Variants in CNTLN observed in about 807,000 individuals in gnomAD.
The protein encoded by CNTLN is centlein.
Under a neutral mutation model 180.0 loss-of-function variants are expected in CNTLN, and 212 were observed. That is an observed-to-expected ratio of 1.18 (90% confidence interval 1.05 to 1.32). The LOEUF (loss-of-function observed/expected upper bound fraction) is 1.32. CNTLN is among the 40% of genes most tolerant of loss of function. The pLI, the probability that CNTLN is intolerant of heterozygous loss-of-function variation, is 0.00. For synonymous variants in CNTLN, 722 were observed against 563.1 expected, an observed-to-expected ratio of 1.28 and a Z score of -3.99; for missense variants, 2,095 against 1,610.9, an observed-to-expected ratio of 1.30 and a Z score of -5.14.
chr9:17,427,146 T>G (rs1389306518), intron 18 of CNTLN, among the ~76,000 whole-genome samples: 1 of 152,122 alleles, frequency 6.6e-6, no homozygotes, highest in Non-Finnish European at 1.5e-5. Context: ...CAGCTCCTGC[T>G]CCCACAATTC....
chr9:17,509,464 G>T, the CNTLN span, among the ~76,000 whole-genome samples: 1 of 152,210 alleles, frequency 6.6e-6, no homozygotes, highest in Non-Finnish European at 1.5e-5. Context: ...CATTGTTTGT[G>T]ATCAAGGAAG....
At chr9:17,479,567 G>A (rs1331356015) in intron 23 of CNTLN, among the ~76,000 whole-genome samples, 2 of 152,076 alleles carry the variant, frequency 1.3e-5, no homozygotes, top group Non-Finnish European at 2.9e-5. Context: ...TAATTAATAG[G>A]CGTAAAGTTT....
Position 17,466,119 on chromosome 9 carries a change from G to T in CNTLN, c.3669+1G>T. On this transcript the variant is annotated splice_donor_variant, in intron 22 of 25. Transcript: ENST00000380647. LOFTEE classifies it high-confidence loss of function. ...ATCTAAAGAGGAGTTAGAAAAAAAG[G>T]TATGCTTTTAAAAAGGGCATTTTAG... The T allele has an allele frequency of 2.5e-6, 4 of 1,598,294 alleles. No homozygotes were observed. The highest frequency in any genetic ancestry group is 1.3e-5 in the African/African-American group (1 of 74,146).
At chr9:17,246,891 T>A (rs913071776) in intron 5 of CNTLN, among the ~76,000 whole-genome samples, 1 of 152,100 alleles carries the variant, frequency 6.6e-6, no homozygotes, top group Non-Finnish European at 1.5e-5. Flanking sequence ...AGGAGTGTTT[T>A]TTTTTTCTGG....
At chr9:17,526,912 C>A in the CNTLN span, among the ~76,000 whole-genome samples, 1 of 152,004 alleles carries the variant, frequency 6.6e-6, no homozygotes, top group Non-Finnish European at 1.5e-5. Flanking sequence ...CGGAGTCTCG[C>A]TGTCGCCCAG....
At chr9:17,473,154 C>T (rs1410056188) in intron 23 of CNTLN, among the ~76,000 whole-genome samples, 1 of 152,126 alleles carries the variant, frequency 6.6e-6, no homozygotes, top group Non-Finnish European at 1.5e-5. Flanking sequence ...TTTATTTAAA[C>T]AGATAACCAA....
At chr9:17,451,790 A>G (rs1830792428) in intron 18 of CNTLN, among the ~76,000 whole-genome samples, 1 of 152,166 alleles carries the variant, frequency 6.6e-6, no homozygotes, top group Non-Finnish European at 1.5e-5. Context: ...TTCAGACTCC[A>G]CTATCCCAAC....
chr9:17,214,457 AC>A (rs1823579123), intron 2 of CNTLN, among the ~76,000 whole-genome samples: 1 of 152,152 alleles, frequency 6.6e-6, no homozygotes, highest in Non-Finnish European at 1.5e-5. Context: ...TTTGTGGGTA[AC>A]CCGACCTTTC....
At chr9:17,214,302 C>G (rs1389803174) in intron 2 of CNTLN, among the ~76,000 whole-genome samples, 2 of 152,104 alleles carry the variant, frequency 1.3e-5, no homozygotes, top group Non-Finnish European at 2.9e-5. Context: ...TTTATTTCTC[C>G]TTCACTTATG....
chr9:17,464,657 A>T, intron 21 of CNTLN, 34 bp downstream of exon 21: 2 of 1,291,424 alleles, frequency 1.5e-6, no homozygotes, highest in Non-Finnish European at 2.1e-6. Context: ...CACTAAAAAT[A>T]TCACTTCCTG....
chr9:17,342,389 G>T lies in CNTLN; in HGVS notation c.1831G>T (p.Val611Leu), dbSNP rs751035643. 3.1e-6 allele frequency: 5 copies of T among 1,611,612 alleles called. No homozygotes were observed. The South Asian group carries it at 4.4e-5, about 14-fold the overall frequency. Residue 611 changes from valine to leucine, a missense_variant, in exon 12 of 26, where the codon GTG (valine) becomes TTG (leucine). Coordinates refer to ENST00000380647, the MANE Select transcript of CNTLN (RefSeq NM_017738.4). ...QQLRQEDSDAVWNELAYFKRE... is the reference protein window; with the variant it reads ...QQLRQEDSDALWNELAYFKRE... ...ACTTCGACAAGAAGATTCTGACGCTGTGTGGAATGAACTGGCATATTTCAA... is the reference window on the plus strand; with the variant it reads ...ACTTCGACAAGAAGATTCTGACGCTTTGTGGAATGAACTGGCATATTTCAA...
At chr9:17,410,358 T>G (rs185642588) in intron 16 of CNTLN, among the ~76,000 whole-genome samples, 1 of 152,322 alleles carries the variant, frequency 6.6e-6, no homozygotes, top group Non-Finnish European at 1.5e-5. Context: ...AAATTGCCTC[T>G]TCAAGTCTCT....
At chr9:17,494,942 C>T (rs767776654) in intron 25 of CNTLN, 141 of 430,452 alleles carry the variant, frequency 3.3e-4, no homozygotes, top group South Asian at 2.1e-3. Context: ...AGTGCAATGG[C>T]GCAATCGTGG....
chr9:17,150,733 C>T (rs1051577618), intron 2 of CNTLN, among the ~76,000 whole-genome samples: 20 of 152,168 alleles, frequency 1.3e-4, no homozygotes, highest in African/African-American at 4.8e-4. Context: ...CTATAAATTA[C>T]TTTGGGCAGT....
chr9:17,388,362 T>A, intron 14 of CNTLN, 109 bp downstream of exon 14: 1 of 657,848 alleles, frequency 1.5e-6, no homozygotes, highest in Non-Finnish European at 2.5e-6. Context: ...TGTGAATCCT[T>A]AATTTAAATT....
At chr9:17,528,371 CT>C in the CNTLN span, among the ~76,000 whole-genome samples, 4 of 152,154 alleles carry the variant, frequency 2.6e-5, no homozygotes, top group Non-Finnish European at 5.9e-5. Flanking sequence ...TTTCTTCCCC[CT>C]AATCCATAAT....
chr9:17,505,186 T>G (rs1450335818), downstream of CNTLN, among the ~76,000 whole-genome samples: 2 of 152,034 alleles, frequency 1.3e-5, no homozygotes, highest in Non-Finnish European at 2.9e-5. Context: ...CTCAATTTGA[T>G]AAGACCATCT....
chr9:17,250,092 A>C (rs938925820), intron 5 of CNTLN, among the ~76,000 whole-genome samples: 3 of 150,954 alleles, frequency 2.0e-5, no homozygotes, highest in Non-Finnish European at 3.0e-5. Flanking sequence ...TATTGTTATA[A>C]CTTCTCGATA....
chr9:17,243,219 T>A (rs1825601459), intron 5 of CNTLN, among the ~76,000 whole-genome samples: 1 of 152,206 alleles, frequency 6.6e-6, no homozygotes, highest in African/African-American at 2.4e-5. Context: ...GTTTCTTTTT[T>A]TCTGAGTTAA....
Sources: gnomAD v4.1 joint callset for allele counts (sites outside exome capture counted in the v4.1 genomes callset) on GRCh38, gnomAD v4.1.1 for gene constraint, MANE v1.5 for transcripts, NCBI Gene and HGNC (gene_info 2026-07-23, HGNC 2026-07-21) for gene names.